MAGI2: variants seen among roughly 807,000 people sequenced by gnomAD.
The protein encoded by MAGI2 is membrane-associated guanylate kinase, WW and PDZ domain-containing protein 2.
In MAGI2, 35 loss-of-function variants were observed where a neutral mutation model predicts 133.3. That is an observed-to-expected ratio of 0.26 (90% CI 0.20 to 0.35). MAGI2 has a LOEUF of 0.35. Ranked by LOEUF, MAGI2 falls within the 10% of genes least tolerant of loss-of-function variation. The pLI is 1.00. For missense variants in MAGI2, 1,636 were observed against 1,863.4 expected (o/e 0.88, Z 2.25); for synonymous variants, 729 against 710.6 (o/e 1.03, Z -0.41).
chr7:78,159,243 C>A (rs528649475), intron 16 of MAGI2, among the ~76,000 whole-genome samples: 1 of 152,312 alleles, frequency 6.6e-6, no homozygotes, highest in South Asian at 2.1e-4. Context: ...CAATGTGAAG[C>A]CATTGGGCAG....
chr7:78,648,368 G>C (rs958142024), intron 2 of MAGI2, among the ~76,000 whole-genome samples: 4 of 152,098 alleles, frequency 2.6e-5, no homozygotes, highest in Admixed American at 2.6e-4. Context: ...GCAGTAATAG[G>C]AAGAAGCCTT....
At chr7:79,036,238 A>T (rs1214341030) in intron 1 of MAGI2, among the ~76,000 whole-genome samples, 1 of 152,212 alleles carries the variant, frequency 6.6e-6, no homozygotes, top group East Asian at 1.9e-4. Context: ...AAGGTAAGCA[A>T]AGCCAGCAAG....
At position 78,279,725 on chromosome 7, in the gene MAGI2, G is replaced by A. The variant is rs143019849; in HGVS notation, c.1409-23144C>T. Among the ~76,000 whole-genome samples the A allele has an allele frequency of 7.0e-4, 107 of 152,248 alleles. 3 individuals carry two copies. The South Asian group carries it at 8.3e-3, about 12-fold the overall frequency. ...ATGTCTGTGCATGTGTGTGTGTGGT[G>A]TGTGTTGGTCCATCCAGAGTGTTCC... On this transcript the variant is annotated intron_variant, in intron 9 of 21. Transcript: ENST00000354212.
rs1829523254 is a variant in MAGI2 at position 79,211,828 on chromosome 7, C to T, written c.302-204622G>A. 2.0e-5 allele frequency among the ~76,000 whole-genome samples: 3 copies of T among 152,008 alleles called. No homozygotes were observed. In the South Asian group the frequency reaches 6.2e-4, roughly 32 times the overall value. On this transcript the variant is annotated intron_variant, in intron 1 of 21. Transcript: ENST00000354212. ...TCAATTTAGGTAACAGAGGGTAAAA[C>T]GGCTTAGAAGTAATATGGTGTAATA...
At chr7:78,549,273 A>G (rs993929102) in intron 3 of MAGI2, among the ~76,000 whole-genome samples, 3 of 152,114 alleles carry the variant, frequency 2.0e-5, no homozygotes, top group Non-Finnish European at 4.4e-5. Flanking sequence ...GTGGAACATC[A>G]ATAGTTTCAC....
rs191038731 is a variant in MAGI2, at chr7:78,848,218, C to T, written c.418+158872G>A. Among the ~76,000 whole-genome samples the T allele has an allele frequency of 7.9e-5, 12 of 151,942 alleles. No individual in the cohort carries two copies. In the East Asian group the frequency reaches 1.8e-3, roughly 22 times the overall value. On this transcript the variant is annotated intron_variant, in intron 2 of 21. Coordinates refer to ENST00000354212, the MANE Select transcript of MAGI2 (RefSeq NM_012301.4). ...CTTTGGGGCTCATCTTCCTCTAGCA[C>T]GCTCCATCTTCCTCTAGAGCTCTCC...
At chr7:78,745,786 G>A (rs1238109447) in intron 2 of MAGI2, among the ~76,000 whole-genome samples, 2 of 151,994 alleles carry the variant, frequency 1.3e-5, no homozygotes, top group Non-Finnish European at 2.9e-5. Context: ...AACATTACTG[G>A]GATACTCAGA....
chr7:79,275,462 C>T (rs904170171), intron 1 of MAGI2, among the ~76,000 whole-genome samples: 1 of 152,276 alleles, frequency 6.6e-6, no homozygotes, highest in Non-Finnish European at 1.5e-5. Flanking sequence ...TAGAAGCTAA[C>T]AGAGTTTGGT....
chr7:79,020,358 T>A lies in MAGI2; in HGVS notation c.302-13152A>T, dbSNP rs773822832. Among the ~76,000 whole-genome samples the A allele has an allele frequency of 5.8e-4, 88 of 152,280 alleles. 2 individuals are homozygous for A. The Middle Eastern group carries it at 0.01, about 18-fold the overall frequency. On this transcript the variant is annotated intron_variant, in intron 1 of 21. Transcript: ENST00000354212. Reference sequence around the variant, plus strand: ...ATATGTTTTGGAAATGGAAGTTATGTTTAAAATGGAAGCAGAGCATAAAAT... The same window carrying A: ...ATATGTTTTGGAAATGGAAGTTATGATTAAAATGGAAGCAGAGCATAAAAT...
At chr7:79,042,761 C>T (rs1376329516) in intron 1 of MAGI2, among the ~76,000 whole-genome samples, 1 of 152,146 alleles carries the variant, frequency 6.6e-6, no homozygotes, top group Non-Finnish European at 1.5e-5. Flanking sequence ...CCACAGAACA[C>T]TCCACCCAAC....
chr7:78,518,731 C>G (rs1380440901), intron 4 of MAGI2: 1 of 152,052 alleles, frequency 6.6e-6, no homozygotes, highest in African/African-American at 2.4e-5. Flanking sequence ...ATGTTTCTCT[C>G]TCTCTCTTTT....
chr7:78,556,615 G>A (rs538140828), intron 3 of MAGI2, among the ~76,000 whole-genome samples: 48 of 152,240 alleles, frequency 3.2e-4, no homozygotes, highest in African/African-American at 1.1e-3. Context: ...GAGCCCTGGG[G>A]ATGAAGTTGT....
intron 2 of MAGI2, among the ~76,000 whole-genome samples, chr7:78,920,233 C>G (rs1255489628): frequency 6.6e-6 from 1 of 152,084 alleles, no homozygotes; most frequent in Non-Finnish European, 1.5e-5. Flanking sequence ...CACATATAGA[C>G]CATGTCCCTT....
chr7:78,993,500 G>C (rs1290013299), intron 2 of MAGI2, among the ~76,000 whole-genome samples: 1 of 152,020 alleles, frequency 6.6e-6, no homozygotes, highest in Non-Finnish European at 1.5e-5. Flanking sequence ...GGGCTCTACT[G>C]TTCATTTCCT....
chr7:78,968,449 G>A (rs1250793762), intron 2 of MAGI2, among the ~76,000 whole-genome samples: 2 of 148,612 alleles, frequency 1.3e-5, no homozygotes, highest in Non-Finnish European at 3.0e-5. Context: ...TGGTCTTAAT[G>A]TACAGGTCTT....
Position 78,050,207 on chromosome 7 carries a change from T to A in MAGI2, c.3706+28740A>T, listed in dbSNP as rs748594781. On this transcript the variant is annotated intron_variant, in intron 21 of 21. Coordinates refer to ENST00000354212, the MANE Select transcript of MAGI2 (RefSeq NM_012301.4). ...GTATTAAGTGTTACATCTGTGTTTA[T>A]ATAACACATTTTCATACTCAATTTT... Among the ~76,000 whole-genome samples the A allele has an allele frequency of 3.3e-5, 5 of 152,342 alleles. No individual in the cohort carries two copies. The South Asian group carries it at 1.0e-3, about 32-fold the overall frequency.
chr7:78,368,236 G>GT (rs1398942887), intron 7 of MAGI2, among the ~76,000 whole-genome samples: 1 of 152,174 alleles, frequency 6.6e-6, no homozygotes. Flanking sequence ...CTCAGTAACC[G>GT]TTTTTGAATA....
intron 1 of MAGI2, among the ~76,000 whole-genome samples, chr7:79,110,511 T>C (rs1818840243): frequency 1.3e-5 from 2 of 152,332 alleles, no homozygotes; most frequent in South Asian, 2.1e-4. Context: ...TCTTTTGGAA[T>C]GGGAATGTTT....
At chr7:78,392,183 A>G (rs16886004) in intron 6 of MAGI2, among the ~76,000 whole-genome samples, 26,165 of 152,204 alleles carry the variant, frequency 0.17, 2,420 homozygotes, top group South Asian at 0.22. Context: ...TGTAAGGGGT[A>G]TTTATGCATG....
Sources: gnomAD v4.1 joint callset for allele counts (sites outside exome capture counted in the v4.1 genomes callset) on GRCh38, gnomAD v4.1.1 for gene constraint, MANE v1.5 for transcripts, NCBI Gene and HGNC (gene_info 2026-07-23, HGNC 2026-07-21) for gene names.